PLXNA4: variants seen among roughly 807,000 people sequenced by gnomAD.
PLXNA4 encodes the protein plexin-A4.
Under a neutral mutation model 191.8 loss-of-function variants are expected in PLXNA4, and 44 were observed. The ratio of observed to expected loss-of-function variants is 0.23; its 90% CI spans 0.18 to 0.29. PLXNA4 has a LOEUF of 0.29. PLXNA4 is among the 10% of genes least tolerant of loss of function. PLXNA4 has a pLI of 1.00. For synonymous variants in PLXNA4, 1,082 were observed against 1,009.5 expected, an observed-to-expected ratio of 1.07 and a Z score of -1.36; for missense variants, 1,800 against 2,488.8, an observed-to-expected ratio of 0.72 and a Z score of 5.89.
intron 3 of PLXNA4, chr7:132,383,675 A>C: frequency 1.0e-6 from 1 of 982,520 alleles, no homozygotes; most frequent in Non-Finnish European, 1.2e-6. Flanking sequence ...AAATGAGTGT[A>C]TATATCAATT....
intron 3 of PLXNA4, among the ~76,000 whole-genome samples, chr7:132,422,400 A>C (rs1794880829): frequency 1.3e-5 from 2 of 152,216 alleles, no homozygotes; most frequent in Admixed American, 6.5e-5. Flanking sequence ...ACACACAGAG[A>C]AGCACGGAAG....
chr7:132,595,006 TAGATAGATAGATAGACAGAC>T (rs202155620), intron 2 of PLXNA4, among the ~76,000 whole-genome samples: 7,885 of 32,420 alleles, frequency 0.24, 259 homozygotes, highest in South Asian at 0.42. Context: ...GATAGATAGA[TAGATAGATAGATAGACAGAC>T]AGACAGACAG....
chr7:132,203,235 T>G (rs1797500784), intron 11 of PLXNA4, 88 bp downstream of exon 11: 2 of 1,231,960 alleles, frequency 1.6e-6, no homozygotes, highest in Middle Eastern at 2.3e-4. Flanking sequence ...GGGGGCAGAA[T>G]GACTCCCGCG....
chr7:132,220,513 G>A (rs184943041), intron 9 of PLXNA4, among the ~76,000 whole-genome samples: 162 of 152,250 alleles, frequency 1.1e-3, no homozygotes, highest in Middle Eastern at 6.8e-3. Flanking sequence ...CCCTGCCATG[G>A]CCTGCCAGGC....
chr7:132,188,994 GAGAGAGAGAGAGAGAGAGAGAGAGAGA>G (rs1796982849), intron 14 of PLXNA4, among the ~76,000 whole-genome samples: 1 of 20,366 alleles, frequency 4.9e-5, no homozygotes, highest in Non-Finnish European at 8.6e-5. Context: ...GAAAGGAAAG[GAGAGAGAGAGAGAGAGAGAGAGAGAGA>G]GAGAGAGAAA....
chr7:132,555,064 A>T, intron 1 of PLXNA4, among the ~76,000 whole-genome samples: 1 of 151,862 alleles, frequency 6.6e-6, no homozygotes, highest in Non-Finnish European at 1.5e-5. Context: ...AAACAAAAAA[A>T]AAACAGTAAC....
chr7:132,462,299 A>G (rs567264370), intron 3 of PLXNA4, among the ~76,000 whole-genome samples: 1 of 152,338 alleles, frequency 6.6e-6, no homozygotes, highest in East Asian at 1.9e-4. Context: ...GAAAGCAGAG[A>G]AAGTCCAACC....
chr7:132,365,337 G>GTT (rs1804113419), intron 3 of PLXNA4, among the ~76,000 whole-genome samples: 3 of 115,156 alleles, frequency 2.6e-5, no homozygotes, highest in Admixed American at 1.7e-4. Flanking sequence ...GCGTGTGTGT[G>GTT]TGTGTGTGTG....
chr7:132,496,934 T>C (rs1480045416), intron 2 of PLXNA4, among the ~76,000 whole-genome samples: 4 of 152,194 alleles, frequency 2.6e-5, no homozygotes, highest in Non-Finnish European at 5.9e-5. Context: ...CTTCCTTTCC[T>C]GGGTCTGTGC....
chr7:132,349,516 C>T (rs1803395836), intron 3 of PLXNA4, among the ~76,000 whole-genome samples: 1 of 152,200 alleles, frequency 6.6e-6, no homozygotes, highest in Non-Finnish European at 1.5e-5. Flanking sequence ...CTCATTCCCA[C>T]TCCTAGATGT....
chr7:132,386,770 G>C (rs1377116921), intron 3 of PLXNA4, among the ~76,000 whole-genome samples: 1 of 152,226 alleles, frequency 6.6e-6, no homozygotes, highest in East Asian at 1.9e-4. Flanking sequence ...AGCCTCAGCA[G>C]GGATCATGTT....
At position 132,187,599 on chromosome 7, in the gene PLXNA4, A is replaced by G; in HGVS notation, c.2865T>C (p.Thr955=). 1.9e-6 allele frequency: 3 copies of G among 1,612,934 alleles called. No individual in the cohort carries two copies. The highest frequency in any genetic ancestry group is 1.7e-6 in the Non-Finnish European group (2 of 1,179,420). The stretch of plus-strand genomic sequence containing the variant: ...CCCGGCTGGGCTTCAGATCTGAGAG[A>G]GTCAGTGTCTGTGTAGAAAGGATGT... The part of the protein sequence containing the change: ...SSQLYYFMTL[T]LSDLKPSRGP... Residue 955 remains threonine (T), a synonymous_variant, in exon 15 of 32, where the codon ACT becomes ACC. Transcript: ENST00000321063.
intron 2 of PLXNA4, among the ~76,000 whole-genome samples, chr7:132,622,332 G>A (rs1803283798): frequency 6.6e-6 from 1 of 152,216 alleles, no homozygotes; most frequent in Admixed American, 6.5e-5. Context: ...TGGATTTAAT[G>A]TGAGCAAGAA....
chr7:132,185,193 A>AT, intron 16 of PLXNA4, 106 bp downstream of exon 16: 1 of 1,427,756 alleles, frequency 7.0e-7, no homozygotes, highest in Non-Finnish European at 9.3e-7. Context: ...CAGCTCATCC[A>AT]TCCCCCAAGC....
At chr7:132,147,485 C>T (rs1387106922) in intron 27 of PLXNA4, among the ~76,000 whole-genome samples, 2 of 152,152 alleles carry the variant, frequency 1.3e-5, no homozygotes, top group Non-Finnish European at 1.5e-5. Context: ...GAGCCTCGCA[C>T]CTGGTCTGTA....
At chr7:132,215,189 A>C (rs1370468678) in intron 9 of PLXNA4, among the ~76,000 whole-genome samples, 5 of 152,196 alleles carry the variant, frequency 3.3e-5, no homozygotes, top group African/African-American at 4.8e-5. Flanking sequence ...TCCCAAACAC[A>C]AGGGGGACTG....
In PLXNA4 at chr7:132,228,330, C is replaced by G; in HGVS notation, c.1728+16G>C. The G allele has an allele frequency of 6.2e-7, 1 of 1,613,712 alleles. No individual in the cohort carries two copies. Among genetic ancestry groups the G allele is most frequent in the East Asian group, 2.2e-5 (1 of 44,830 alleles). On this transcript the variant is annotated intron_variant, in intron 6 of 31. Transcript: ENST00000321063. Reference sequence around the variant, plus strand: ...CTTGCATCCCTGGACCCCACCCCAACCCCCACGACCCTTACCAGCACGTTG... The same window carrying G: ...CTTGCATCCCTGGACCCCACCCCAAGCCCCACGACCCTTACCAGCACGTTG...
intron 3 of PLXNA4, chr7:132,384,904 C>CAT: frequency 1.6e-6 from 2 of 1,234,606 alleles, no homozygotes; most frequent in Non-Finnish European, 2.0e-6. Context: ...GTTTCACTGA[C>CAT]ATATACAAGT....
chr7:132,527,539 CAAAAAAAAAA>C (rs34598256), intron 1 of PLXNA4, among the ~76,000 whole-genome samples: 2 of 59,716 alleles, frequency 3.3e-5, no homozygotes, highest in Non-Finnish European at 6.2e-5. Context: ...GAAACAGACT[CAAAAAAAAAA>C]AAAAAAAAAA....
Sources: allele counts gnomAD v4.1 joint callset (sites outside exome capture counted in the v4.1 genomes callset), GRCh38; gene constraint gnomAD v4.1.1; transcripts MANE v1.5; gene names NCBI Gene and HGNC (gene_info 2026-07-23, HGNC 2026-07-21).